TMEM108: variants seen among roughly 807,000 people sequenced by gnomAD.
TMEM108 encodes the protein cancer/testis antigen 124.
A neutral mutation model predicts 35.1 loss-of-function variants in TMEM108; 12 were observed. That is an observed-to-expected ratio of 0.34 (90% CI 0.22 to 0.55). The LOEUF is 0.55. Ranked by LOEUF, TMEM108 falls within the 20% of genes least tolerant of loss-of-function variation. The probability of loss-of-function intolerance (pLI) is 0.89; values close to 1 mark genes in which losing one functional copy is unlikely to be tolerated. For missense variants in TMEM108, 680 were observed against 753.3 expected (o/e 0.90, Z 1.14); for synonymous variants, 287 against 308.6 (o/e 0.93, Z 0.73).
At chr3:133,370,079 G>C (rs142327373) in intron 3 of TMEM108, among the ~76,000 whole-genome samples, 1 of 151,186 alleles carries the variant, frequency 6.6e-6, no homozygotes, top group Admixed American at 6.6e-5. Flanking sequence ...TTACTGTAGT[G>C]CATTTGTCAC....
At chr3:133,188,220 T>C (rs1480249670) in intron 2 of TMEM108, among the ~76,000 whole-genome samples, 1 of 152,194 alleles carries the variant, frequency 6.6e-6, no homozygotes, top group Admixed American at 6.5e-5. Context: ...ACCAGGCGCG[T>C]CTGCACACTA....
intron 5 of TMEM108, among the ~76,000 whole-genome samples, chr3:133,393,148 C>A: frequency 6.6e-6 from 1 of 152,238 alleles, no homozygotes; most frequent in East Asian, 1.9e-4. Context: ...TTCGTTCTTG[C>A]ACCCTATCTG....
chr3:133,057,479 A>ATATATATATC (rs1559818494), intron 2 of TMEM108, among the ~76,000 whole-genome samples: 7 of 73,148 alleles, frequency 9.6e-5, no homozygotes, highest in African/African-American at 3.5e-4. Context: ...ATATATATAT[A>ATATATATATC]TATATATGTG....
At chr3:133,259,935 G>A (rs1303577806) in intron 3 of TMEM108, among the ~76,000 whole-genome samples, 1 of 152,150 alleles carries the variant, frequency 6.6e-6, no homozygotes, top group African/African-American at 2.4e-5. Context: ...ATAGGTGAAG[G>A]CGTGTGGTAA....
At chr3:133,314,763 C>G (rs1218681234) in intron 3 of TMEM108, among the ~76,000 whole-genome samples, 1 of 152,200 alleles carries the variant, frequency 6.6e-6, no homozygotes, top group Non-Finnish European at 1.5e-5. Context: ...CAAGAACAGA[C>G]AGCATGAGTT....
At chr3:133,085,734 G>A (rs1943873365) in intron 2 of TMEM108, among the ~76,000 whole-genome samples, 1 of 151,850 alleles carries the variant, frequency 6.6e-6, no homozygotes, top group African/African-American at 2.4e-5. Context: ...TTTCTTGCTA[G>A]ACTTCTTCTT....
intron 4 of TMEM108, chr3:133,388,861 CT>C (rs2073191696): frequency 3.0e-6 from 3 of 985,798 alleles, no homozygotes; most frequent in Admixed American, 6.1e-5. Flanking sequence ...GAACCCACCC[CT>C]GATGCTGGCC....
intron 2 of TMEM108, among the ~76,000 whole-genome samples, chr3:133,191,378 T>C (rs939549857): frequency 3.3e-5 from 5 of 152,188 alleles, no homozygotes; most frequent in African/African-American, 1.2e-4. Flanking sequence ...ATAAGCCCCT[T>C]CTCCTCTGAA....
intron 2 of TMEM108, among the ~76,000 whole-genome samples, chr3:133,193,383 G>C (rs904599737): frequency 6.6e-6 from 1 of 152,124 alleles, no homozygotes; most frequent in Non-Finnish European, 1.5e-5. Flanking sequence ...GATGATGTGG[G>C]CATTTGGTAG....
At chr3:133,392,410 A>G (rs951763423) in intron 5 of TMEM108, among the ~76,000 whole-genome samples, 4 of 151,670 alleles carry the variant, frequency 2.6e-5, no homozygotes, top group Non-Finnish European at 5.9e-5. Flanking sequence ...TGACCCGCCC[A>G]CCTCAGCCTC....
chr3:133,109,215 T>G (rs1178284945), intron 2 of TMEM108, among the ~76,000 whole-genome samples: 1 of 152,176 alleles, frequency 6.6e-6, no homozygotes, highest in South Asian at 2.1e-4. Flanking sequence ...TGAATTCCCC[T>G]GGGTCACACA....
chr3:133,221,488 C>T (rs1419390888), intron 2 of TMEM108, among the ~76,000 whole-genome samples: 1 of 152,084 alleles, frequency 6.6e-6, no homozygotes, highest in African/African-American at 2.4e-5. Flanking sequence ...TGTGCAATGA[C>T]TAGGAGAAGG....
intron 2 of TMEM108, among the ~76,000 whole-genome samples, chr3:133,115,058 A>C (rs1944270569): frequency 6.6e-6 from 1 of 152,244 alleles, no homozygotes; most frequent in African/African-American, 2.4e-5. Flanking sequence ...CTTGGGACCC[A>C]GAACAAATGA....
Position 133,379,945 on chromosome 3 carries a change from A to T in TMEM108, c.234A>T (p.Ala78=). The T allele has an allele frequency of 1.2e-6, 2 of 1,612,772 alleles. No homozygotes were observed. Among genetic ancestry groups the T allele is most frequent in the Non-Finnish European group, 1.7e-6 (2 of 1,179,558 alleles). ...CCGATGGACCCCCCTCACAGGCTGC[A>T]GCTCCCATGGCAACACCGACACCCC... The part of the protein sequence containing the change: ...PNPDGPPSQA[A]APMATPTPRA... The change falls in exon 4 of 6, where the codon GCA becomes GCT. Residue 78 remains alanine, a synonymous_variant. Coordinates refer to ENST00000321871, the MANE Select transcript of TMEM108 (RefSeq NM_023943.4).
intron 3 of TMEM108, among the ~76,000 whole-genome samples, chr3:133,306,277 A>G (rs62279016): frequency 0.32 from 48,433 of 152,056 alleles, 8,519 homozygotes; most frequent in East Asian, 0.48. Flanking sequence ...TAATTTTGGT[A>G]TATAGTGTGA....
chr3:133,070,697 T>C (rs956169263), intron 2 of TMEM108, among the ~76,000 whole-genome samples: 4 of 152,052 alleles, frequency 2.6e-5, no homozygotes, highest in Non-Finnish European at 5.9e-5. Flanking sequence ...AACCATTTTG[T>C]TTCTCTGAGT....
At chr3:133,088,903 G>A (rs938361404) in intron 2 of TMEM108, among the ~76,000 whole-genome samples, 1 of 152,174 alleles carries the variant, frequency 6.6e-6, no homozygotes, top group Admixed American at 6.5e-5. Flanking sequence ...ACAATGCTGG[G>A]TAATTTATAA....
At chr3:133,216,566 C>T (rs1325476867) in intron 2 of TMEM108, among the ~76,000 whole-genome samples, 1 of 152,096 alleles carries the variant, frequency 6.6e-6, no homozygotes, top group Admixed American at 6.6e-5. Context: ...CTAACTGAAA[C>T]TTTGTATCCT....
At chr3:133,306,456 T>G (rs915825123) in intron 3 of TMEM108, among the ~76,000 whole-genome samples, 4 of 152,160 alleles carry the variant, frequency 2.6e-5, no homozygotes, top group Non-Finnish European at 5.9e-5. Context: ...CATGTTGATT[T>G]GCTGCACCCA....
Sources: allele counts gnomAD v4.1 joint callset (sites outside exome capture counted in the v4.1 genomes callset), GRCh38; gene constraint gnomAD v4.1.1; transcripts MANE v1.5; gene names NCBI Gene and HGNC (gene_info 2026-07-23, HGNC 2026-07-21).